CYTH3: variants seen among roughly 807,000 people sequenced by gnomAD.
The protein encoded by CYTH3 is cytohesin-3.
In CYTH3, 23 loss-of-function variants were observed where a neutral mutation model predicts 55.1. The ratio of observed to expected loss-of-function variants is 0.42; its 90% CI spans 0.30 to 0.59. CYTH3 has a LOEUF of 0.59. Ranked by LOEUF, CYTH3 falls within the 20% of genes least tolerant of loss-of-function variation. CYTH3 has a pLI of 0.20. For missense variants in CYTH3, 413 were observed against 524.8 expected (o/e 0.79, Z 2.08); for synonymous variants, 249 against 194.9 (o/e 1.28, Z -2.31).
chr7:6,259,464 C>T lies in CYTH3; in HGVS notation c.34+13010G>A, dbSNP rs970411968. Among the ~76,000 whole-genome samples, 20 of 151,604 alleles carry T rather than the reference C, an allele frequency of 1.3e-4. 1 individual carries two copies. Among genetic ancestry groups the T allele is most frequent in the African/African-American group, 4.1e-4 (17 of 41,220 alleles). On this transcript the variant is annotated intron_variant, in intron 1 of 12. Coordinates refer to ENST00000350796, the MANE Select transcript of CYTH3 (RefSeq NM_004227.4). The stretch of plus-strand genomic sequence containing the variant: ...AAAGTAAATCAAAATATCTTCTTGG[C>T]CAACTGAAATTGACTCAGGCGAGTC...
chr7:6,183,452 G>A (rs1392386874), intron 4 of CYTH3, among the ~76,000 whole-genome samples: 2 of 152,202 alleles, frequency 1.3e-5, no homozygotes, highest in African/African-American at 4.8e-5. Context: ...AGTGTTTTCA[G>A]CTTCCTTGAT....
intron 6 of CYTH3, 31 bp downstream of exon 6, chr7:6,173,622 C>T (rs1333863769): frequency 6.8e-7 from 1 of 1,462,394 alleles, no homozygotes; most frequent in Non-Finnish European, 9.6e-7. Flanking sequence ...CTTCCCCATC[C>T]ACTCTACACC....
intron 1 of CYTH3, among the ~76,000 whole-genome samples, chr7:6,241,600 T>C (rs569892077): frequency 2.0e-4 from 31 of 152,220 alleles, no homozygotes; most frequent in Non-Finnish European, 3.8e-4. Context: ...AAACGGCATA[T>C]TCACATTCTC....
intron 5 of CYTH3, among the ~76,000 whole-genome samples, chr7:6,175,545 C>CTTTTTTTTTTT (rs1177188782): frequency 6.7e-5 from 6 of 89,012 alleles, no homozygotes; most frequent in East Asian, 4.2e-4. Context: ...ACACTTTAGT[C>CTTTTTTTTTTT]TTTTTTTTTT....
At position 6,190,541 on chromosome 7, in the gene CYTH3, GA is replaced by G. The variant is rs1444819813; in HGVS notation, c.35-11del. The G allele has an allele frequency of 4.7e-6, 7 of 1,496,882 alleles. No individual in the cohort carries two copies. The African/African-American group carries it at 7.2e-5, about 15-fold the overall frequency. The allele number at this position is 1,496,882 out of a possible 1,614,324, so 92.7% of individuals were successfully genotyped here. A position where few individuals can be genotyped will look rare whatever the true frequency, so the allele number is the denominator to read the frequency against. Reference sequence around the variant, plus strand: ...GAGAGGTCTTCAGGCACTGAAAGAAGAAAAAAATAATTAACTACTTTGGAGA... The same window carrying G: ...GAGAGGTCTTCAGGCACTGAAAGAAGAAAAAATAATTAACTACTTTGGAGA... On this transcript the variant is annotated splice_polypyrimidine_tract_variant and intron_variant, in intron 1 of 12. Transcript: ENST00000350796.
At chr7:6,212,506 G>T (rs1440744547) in intron 1 of CYTH3, 3 of 152,020 alleles carry the variant, frequency 2.0e-5, no homozygotes, top group African/African-American at 7.3e-5. Flanking sequence ...CACATAAGTA[G>T]AATCACACAG....
In CYTH3 at chr7:6,219,853, C is replaced by G. The variant is rs375197410; in HGVS notation, c.35-29322G>C. 7.9e-5 allele frequency among the ~76,000 whole-genome samples: 12 copies of G among 151,974 alleles called. No homozygotes were observed. The East Asian group carries it at 9.6e-4, about 12-fold the overall frequency. On this transcript the variant is annotated intron_variant, in intron 1 of 12. Coordinates refer to ENST00000350796, the MANE Select transcript of CYTH3 (RefSeq NM_004227.4). Reference sequence around the variant, plus strand: ...TGGCAAGTCAAAGGAATCAGAATAGCTGGAACAATTTTGAAAAAAAGACAA... The same window carrying G: ...TGGCAAGTCAAAGGAATCAGAATAGGTGGAACAATTTTGAAAAAAAGACAA...
rs544820970 is a variant in CYTH3 at position 6,264,077 on chromosome 7, T to C, written c.34+8397A>G. ...GCCTGGCCAACATGGTGAAACCCCA[T>C]CGCTACTAAAAATGCAAAAATTAGC... On this transcript the variant is annotated intron_variant, in intron 1 of 12. Coordinates refer to ENST00000350796, the MANE Select transcript of CYTH3 (RefSeq NM_004227.4). 2.6e-5 allele frequency among the ~76,000 whole-genome samples: 4 copies of C among 151,958 alleles called. No individual in the cohort carries two copies. The South Asian group carries it at 6.2e-4, about 24-fold the overall frequency.
intron 1 of CYTH3, among the ~76,000 whole-genome samples, chr7:6,213,278 G>T (rs1784360857): frequency 6.6e-6 from 1 of 152,212 alleles, no homozygotes; most frequent in Non-Finnish European, 1.5e-5. Flanking sequence ...GCAATTAAAA[G>T]AGCTATTTCA....
At chr7:6,263,210 C>A (rs1284718243) in intron 1 of CYTH3, among the ~76,000 whole-genome samples, 1 of 152,138 alleles carries the variant, frequency 6.6e-6, no homozygotes, top group East Asian at 1.9e-4. Flanking sequence ...TATTTTGTCA[C>A]TATAAAGCAA....
chr7:6,165,391 G>T lies in CYTH3; in HGVS notation c.1009C>A (p.Gln337Lys). The T allele has an allele frequency of 6.2e-7, 1 of 1,614,072 alleles. No homozygotes were observed. Residue 337 changes from glutamine (Q) to lysine (K), a missense_variant, in exon 12 of 13, where the codon CAG (glutamine) becomes AAG (lysine). Gln to Lys is a moderately conservative substitution (Grantham distance 53). Coordinates refer to ENST00000350796, the MANE Select transcript of CYTH3 (RefSeq NM_004227.4). ...FELYNPSHKGQVIKACKTEAD... is the reference protein window; with the variant it reads ...FELYNPSHKGKVIKACKTEAD... ...TCAGTCTTACAGGCCTTGATGACCT[G>T]CCCTTTGTGGCTGGGATTGTAGAGC...
intron 1 of CYTH3, among the ~76,000 whole-genome samples, chr7:6,244,448 A>G (rs1011632402): frequency 6.6e-6 from 1 of 152,218 alleles, no homozygotes; most frequent in African/African-American, 2.4e-5. Context: ...AGACCAGAAG[A>G]TGCTTCAAAA....
chr7:6,187,840 G>C lies in CYTH3; in HGVS notation c.118-119C>G. The stretch of plus-strand genomic sequence containing the variant: ...TGCGGTCTCACCGGAGCATCACAGG[G>C]ATGGAAAAACCAATACTATTATCAA... On this transcript the variant is annotated intron_variant, in intron 2 of 12. Coordinates refer to ENST00000350796, the MANE Select transcript of CYTH3 (RefSeq NM_004227.4). 3.7e-6 allele frequency: 3 copies of C among 818,648 alleles called. No homozygotes were observed. The South Asian group carries it at 4.1e-5, about 11-fold the overall frequency. 50.7% of individuals were successfully genotyped at this position (818,648 alleles called of 1,614,324 possible).
At chr7:6,185,983 G>A (rs1433159002) in intron 4 of CYTH3, among the ~76,000 whole-genome samples, 1 of 151,842 alleles carries the variant, frequency 6.6e-6, no homozygotes, top group African/African-American at 2.4e-5. Context: ...GGTGGCTCAC[G>A]CACATAATCC....
At chr7:6,252,626 A>T (rs1023761555) in intron 1 of CYTH3, among the ~76,000 whole-genome samples, 1 of 152,186 alleles carries the variant, frequency 6.6e-6, no homozygotes, top group African/African-American at 2.4e-5. Context: ...CAACAACAAA[A>T]AAGCTACAGC....
intron 1 of CYTH3, among the ~76,000 whole-genome samples, chr7:6,202,819 T>C (rs1170079335): frequency 6.6e-6 from 1 of 152,174 alleles, no homozygotes; most frequent in Non-Finnish European, 1.5e-5. Context: ...AAGAAGTAAC[T>C]GATACATTTA....
In CYTH3 at chr7:6,259,803, AT is replaced by A. The variant is rs572702382; in HGVS notation, c.34+12670del. 4.6e-3 allele frequency among the ~76,000 whole-genome samples: 111 copies of A among 24,228 alleles called. 1 individual carries two copies. The highest frequency in any genetic ancestry group is 7.4e-3 in the African/African-American group (19 of 2,564). 15.9% of individuals were successfully genotyped at this position (24,228 alleles called of 152,430 possible). On this transcript the variant is annotated intron_variant, in intron 1 of 12. Transcript: ENST00000350796. ...ATATATAATATATATATATATATAT[AT>A]ATATATATAATATATATATATATAT...
At chr7:6,220,721 C>T (rs528526176) in intron 1 of CYTH3, among the ~76,000 whole-genome samples, 6 of 152,018 alleles carry the variant, frequency 3.9e-5, no homozygotes, top group Non-Finnish European at 8.8e-5. Flanking sequence ...CACAGCCGGG[C>T]GCGGTGGCTC....
intron 1 of CYTH3, among the ~76,000 whole-genome samples, chr7:6,197,673 A>G (rs2128545967): frequency 6.6e-6 from 1 of 152,310 alleles, no homozygotes; most frequent in South Asian, 2.1e-4. Context: ...ACAAGAGTGG[A>G]ACTCTGCCTC....
Sources: gnomAD v4.1 joint callset for allele counts (sites outside exome capture counted in the v4.1 genomes callset) on GRCh38, gnomAD v4.1.1 for gene constraint, MANE v1.5 for transcripts, NCBI Gene and HGNC (gene_info 2026-07-23, HGNC 2026-07-21) for gene names.